Variants in COL25A1 observed in about 807,000 individuals in gnomAD.
COL25A1 encodes the protein collagen type XXV alpha 1 chain.
Under a neutral mutation model 128.4 loss-of-function variants are expected in COL25A1, and 103 were observed. That is an observed-to-expected ratio of 0.80 (90% CI 0.68 to 0.94). COL25A1 has a LOEUF of 0.94. Ranked by LOEUF, COL25A1 falls within the 40% of genes least tolerant of loss-of-function variation. The pLI is 0.00. For synonymous variants in COL25A1, 279 were observed against 277.2 expected (o/e 1.01, Z -0.06); for missense variants, 745 against 840.0 (o/e 0.89, Z 1.40).
chr4:109,170,606 G>A lies in COL25A1; in HGVS notation c.368-120427C>T, dbSNP rs539929672. Reference sequence around the variant, plus strand: ...GTGCCCATTGTATGCCCCCAAACGCGTGGATGGATAAGGAGATCATGAAAT... The same window carrying A: ...GTGCCCATTGTATGCCCCCAAACGCATGGATGGATAAGGAGATCATGAAAT... On this transcript the variant is annotated intron_variant, in intron 3 of 37. Coordinates refer to ENST00000399132, the MANE Select transcript of COL25A1 (RefSeq NM_198721.4). 3.9e-5 allele frequency among the ~76,000 whole-genome samples: 6 copies of A among 152,252 alleles called. No individual in the cohort carries two copies. In the South Asian group the frequency reaches 6.2e-4, roughly 16 times the overall value.
chr4:109,026,467 G>C (rs1758296969), intron 5 of COL25A1, among the ~76,000 whole-genome samples: 1 of 152,206 alleles, frequency 6.6e-6, no homozygotes, highest in Non-Finnish European at 1.5e-5. Context: ...TAGATGGCAA[G>C]CAGGCGTTAT....
chr4:109,252,260 G>T (rs73838552), intron 3 of COL25A1, among the ~76,000 whole-genome samples: 1,805 of 152,328 alleles, frequency 0.012, 34 homozygotes, highest in African/African-American at 0.04. Context: ...GTAGCTGGCT[G>T]ATCACCCTGG....
At chr4:109,012,673 C>CA (rs1453007931) in intron 5 of COL25A1, among the ~76,000 whole-genome samples, 1 of 152,164 alleles carries the variant, frequency 6.6e-6, no homozygotes, top group African/African-American at 2.4e-5. Flanking sequence ...GGCCCGCCCG[C>CA]ACCACGCTTG....
At chr4:109,280,758 T>G (rs1301747249) in intron 3 of COL25A1, among the ~76,000 whole-genome samples, 1 of 151,994 alleles carries the variant, frequency 6.6e-6, no homozygotes, top group Non-Finnish European at 1.5e-5. Context: ...GTTCAAGTGA[T>G]TCTCCTGCCT....
intron 6 of COL25A1, among the ~76,000 whole-genome samples, chr4:108,985,767 C>T (rs922654393): frequency 6.6e-6 from 1 of 152,122 alleles, no homozygotes; most frequent in African/African-American, 2.4e-5. Context: ...TACTCTACTT[C>T]CCTCATTAGC....
rs750348471 is a variant in COL25A1, at chr4:108,918,146, A to T, written c.780+26T>A. On this transcript the variant is annotated intron_variant, in intron 13 of 37. Coordinates refer to ENST00000399132, the MANE Select transcript of COL25A1 (RefSeq NM_198721.4). The stretch of plus-strand genomic sequence containing the variant: ...TTTCAATGCTCACCAAATTATTTTT[A>T]AAATACAATATTCTATAGAACTCAC... The T allele has an allele frequency of 1.1e-5, 17 of 1,478,750 alleles. 1 individual carries two copies. The South Asian group carries it at 2.3e-4, about 20-fold the overall frequency. 91.6% of individuals were successfully genotyped at this position (1,478,750 alleles called of 1,614,324 possible).
At chr4:109,248,043 T>C (rs1198116573) in intron 3 of COL25A1, among the ~76,000 whole-genome samples, 1 of 152,134 alleles carries the variant, frequency 6.6e-6, no homozygotes, top group Non-Finnish European at 1.5e-5. Context: ...AAAACCCGTA[T>C]TGTCCCACAG....
chr4:109,109,542 C>G (rs940017220), intron 3 of COL25A1, among the ~76,000 whole-genome samples: 1 of 152,120 alleles, frequency 6.6e-6, no homozygotes, highest in Non-Finnish European at 1.5e-5. Context: ...GGCCTAAACT[C>G]ATCTTTACAT....
intron 19 of COL25A1, among the ~76,000 whole-genome samples, chr4:108,870,264 A>C (rs1738545333): frequency 6.6e-6 from 1 of 152,192 alleles, no homozygotes; most frequent in Non-Finnish European, 1.5e-5. Context: ...TCAAAGAAAC[A>C]AAACAAAAAG....
chr4:109,268,686 A>C (rs914989203), intron 3 of COL25A1, among the ~76,000 whole-genome samples: 1 of 152,244 alleles, frequency 6.6e-6, no homozygotes, highest in South Asian at 2.1e-4. Flanking sequence ...ACCAGAAGTA[A>C]TTTCTAAAGA....
At chr4:108,819,398 A>T in intron 35 of COL25A1, 69 bp from the exon 36 acceptor site, 1 of 1,267,370 alleles carries the variant, frequency 7.9e-7, no homozygotes, top group Non-Finnish European at 1.1e-6. Context: ...TCTGCGAAAG[A>T]AGTAACTACA....
intron 3 of COL25A1, among the ~76,000 whole-genome samples, chr4:109,237,621 C>G (rs1779561541): frequency 7.3e-6 from 1 of 136,862 alleles, no homozygotes; most frequent in South Asian, 2.4e-4. Flanking sequence ...TGATGGCAAT[C>G]TTTTTTTTTT....
chr4:108,990,968 A>C (rs1158502258), intron 6 of COL25A1, among the ~76,000 whole-genome samples: 5 of 152,218 alleles, frequency 3.3e-5, no homozygotes, highest in African/African-American at 1.2e-4. Flanking sequence ...CTAAAAGCTG[A>C]TATTTTCAGT....
At chr4:109,040,676 G>C (rs1041022352) in intron 5 of COL25A1, among the ~76,000 whole-genome samples, 1 of 152,076 alleles carries the variant, frequency 6.6e-6, no homozygotes, top group Non-Finnish European at 1.5e-5. Flanking sequence ...CTAAATATTT[G>C]GTCATAAGAA....
intron 32 of COL25A1, among the ~76,000 whole-genome samples, chr4:108,830,625 C>T (rs1010865166): frequency 3.9e-5 from 6 of 152,332 alleles, no homozygotes; most frequent in East Asian, 1.9e-4. Context: ...TAACACTTTA[C>T]GCTGCACACC....
chr4:108,890,795 T>C (rs1741396803), intron 16 of COL25A1, among the ~76,000 whole-genome samples: 1 of 152,164 alleles, frequency 6.6e-6, no homozygotes, highest in Non-Finnish European at 1.5e-5. Flanking sequence ...CAATCTCTTT[T>C]AGAGACAGAC....
chr4:108,877,922 T>C (rs1427096932), intron 19 of COL25A1, among the ~76,000 whole-genome samples: 1 of 152,198 alleles, frequency 6.6e-6, no homozygotes, highest in Non-Finnish European at 1.5e-5. Context: ...TATTTTATCT[T>C]CTAAAATGGT....
In COL25A1 at chr4:108,918,060, A is replaced by G. The variant is rs369050538; in HGVS notation, c.780+112T>C. On this transcript the variant is annotated intron_variant, in intron 13 of 37. Coordinates refer to ENST00000399132, the MANE Select transcript of COL25A1 (RefSeq NM_198721.4). Reference sequence around the variant, plus strand: ...GCACAATTTTCCTGTATTTCAAAACATAGTGTTTTTATAAGCATATAAGCT... The same window carrying G: ...GCACAATTTTCCTGTATTTCAAAACGTAGTGTTTTTATAAGCATATAAGCT... 7.9e-6 allele frequency: 4 copies of G among 506,002 alleles called. No individual in the cohort carries two copies. The East Asian group carries it at 1.4e-4, about 17-fold the overall frequency. The allele number at this position is 506,002 out of a possible 1,614,324, so 31.3% of individuals were successfully genotyped here. A position where few individuals can be genotyped will look rare whatever the true frequency, so the allele number is the denominator to read the frequency against.
intron 3 of COL25A1, among the ~76,000 whole-genome samples, chr4:109,134,742 C>T (rs1238029588): frequency 6.6e-6 from 1 of 151,878 alleles, no homozygotes; most frequent in South Asian, 2.1e-4. Flanking sequence ...GAGGAAGGTG[C>T]AGAGAAGGAG....
Sources: allele counts gnomAD v4.1 joint callset (sites outside exome capture counted in the v4.1 genomes callset), GRCh38; gene constraint gnomAD v4.1.1; transcripts MANE v1.5; gene names NCBI Gene and HGNC (gene_info 2026-07-23, HGNC 2026-07-21).